Variants in MPRIP observed in about 807,000 individuals in gnomAD.
MPRIP encodes myosin phosphatase Rho interacting protein, also known as myosin phosphatase Rho-interacting protein.
MPRIP carries 59 observed loss-of-function variants against 234.9 expected under a neutral mutation model. The observed-to-expected ratio is 0.25, with a 90% CI of 0.20 to 0.31. The LOEUF (loss-of-function observed/expected upper bound fraction) is 0.31. Among genes scored for constraint, MPRIP ranks in the 10% least tolerant of loss-of-function variants. MPRIP has a pLI of 1.00. For synonymous variants in MPRIP, 1,144 were observed against 1,263.9 expected (o/e 0.91, Z 2.01); for missense variants, 2,436 against 3,071.0 (o/e 0.79, Z 4.89).
chr17:17,110,632 A>G (rs2031720488), intron 3 of MPRIP, among the ~76,000 whole-genome samples: 2 of 152,176 alleles, frequency 1.3e-5, no homozygotes, highest in Admixed American at 1.3e-4. Flanking sequence ...TAAGGTCATC[A>G]TCAACAGTGA....
intron 5 of MPRIP, among the ~76,000 whole-genome samples, chr17:17,135,104 G>A (rs2144450781): frequency 6.6e-6 from 1 of 152,370 alleles, no homozygotes; most frequent in East Asian, 1.9e-4. Flanking sequence ...AAGCCATCCT[G>A]TTGGCAGCCC....
At chr17:17,142,535 C>T in intron 7 of MPRIP, 92 bp from the exon 8 acceptor site, 6 of 1,484,428 alleles carry the variant, frequency 4.0e-6, no homozygotes, top group Non-Finnish European at 5.5e-6. Context: ...GGGAATCAGG[C>T]CCGGGCCAGG....
rs560690714 is a variant in MPRIP, at chr17:17,078,193, T to G, written c.267+117T>G. ...CCATGTGCTCCTGCTTGTGTCTGTT[T>G]GGGAGTGTGGAATGTTTTGAAGAAC... is the stretch of plus-strand genomic sequence containing the variant. On this transcript the variant is annotated intron_variant, in intron 3 of 23. Coordinates refer to ENST00000651222, the MANE Select transcript of MPRIP (RefSeq NM_001364716.4). The surrounding 1 kb of genome is among the most constrained non-coding windows in gnomAD (Gnocchi z 4.3). 21 of 1,089,834 alleles carry G rather than the reference T, an allele frequency of 1.9e-5. No individual in the cohort carries two copies. The highest frequency in any genetic ancestry group is 2.7e-5 in the Non-Finnish European group (20 of 728,836). 67.5% of individuals were successfully genotyped at this position (1,089,834 alleles called of 1,614,324 possible). A position where few individuals can be genotyped will look rare whatever the true frequency, so the allele number is the denominator to read the frequency against.
At chr17:17,172,352 C>T (rs984637786) in intron 17 of MPRIP, among the ~76,000 whole-genome samples, 2 of 152,300 alleles carry the variant, frequency 1.3e-5, no homozygotes, top group South Asian at 2.1e-4. Flanking sequence ...TAATTTAGTT[C>T]CAAGGAAGAA....
intron 23 of MPRIP, chr17:17,182,010 T>C (rs572642248): frequency 3.0e-4 from 46 of 152,354 alleles, no homozygotes; most frequent in Middle Eastern, 3.4e-3. Flanking sequence ...ATCCTTGGAG[T>C]GCAGGGCTAG....
At position 17,165,658 on chromosome 17, in the gene MPRIP, C is replaced by T. The variant is rs1597492418; in HGVS notation, c.4067C>T (p.Pro1356Leu). The T allele has an allele frequency of 7.7e-7, 1 of 1,305,090 alleles. No individual in the cohort carries two copies. Among genetic ancestry groups the T allele is most frequent in the Non-Finnish European group, 1.0e-6 (1 of 989,060 alleles). The allele number at this position is 1,305,090 out of a possible 1,614,324, so 80.8% of individuals were successfully genotyped here. ...TSSDTSQDRS[P>L]SEESMSSEPA... ...TCCGACACCAGCCAGGACCGGTCAC[C>T]CTCGGAAGAAAGCATGTCCTCAGAG... is the stretch of plus-strand genomic sequence containing the variant. Residue 1356 changes from proline to leucine, a missense_variant, in exon 16 of 24, where the codon CCC (proline) becomes CTC (leucine). This residue lies in a region of MPRIP where 1,998 missense variants were observed against 2,520.3 expected (regional missense o/e 0.79). Transcript: ENST00000651222.
chr17:17,139,164 G>C (rs192497108), intron 7 of MPRIP, among the ~76,000 whole-genome samples: 46 of 152,368 alleles, frequency 3.0e-4, no homozygotes, highest in Admixed American at 1.5e-3. Flanking sequence ...CCCTGCCCTT[G>C]TTCTCCAGAG....
intron 5 of MPRIP, among the ~76,000 whole-genome samples, chr17:17,133,375 C>T (rs558883729): frequency 6.6e-5 from 10 of 152,186 alleles, no homozygotes; most frequent in East Asian, 5.8e-4. Context: ...TGTGGGGTGA[C>T]GTGGGGGCAC....
At chr17:17,162,916 G>A (rs928420730) in intron 15 of MPRIP, among the ~76,000 whole-genome samples, 4 of 152,150 alleles carry the variant, frequency 2.6e-5, no homozygotes, top group Non-Finnish European at 4.4e-5. Context: ...ACTAAGCAGC[G>A]GACTTTGCAC....
intron 1 of MPRIP, among the ~76,000 whole-genome samples, chr17:17,066,655 G>A (rs2089033066): frequency 1.4e-5 from 2 of 143,208 alleles, no homozygotes; most frequent in East Asian, 2.2e-4. Context: ...GCTTTCAGTT[G>A]GAACTCATTT....
At chr17:17,056,278 G>A (rs539029706) in intron 1 of MPRIP, among the ~76,000 whole-genome samples, 4 of 152,306 alleles carry the variant, frequency 2.6e-5, no homozygotes, top group Middle Eastern at 3.4e-3. Flanking sequence ...TCTTCCCTGC[G>A]AAGACGTTGC....
At chr17:17,161,888 C>T (rs552901386) in intron 15 of MPRIP, among the ~76,000 whole-genome samples, 13 of 152,310 alleles carry the variant, frequency 8.5e-5, no homozygotes, top group African/African-American at 2.2e-4. Context: ...AGCCCAACCC[C>T]GGGATACCTC....
At chr17:17,145,915 G>A in intron 9 of MPRIP, 121 bp from the exon 10 acceptor site, 2 of 941,148 alleles carry the variant, frequency 2.1e-6, no homozygotes, top group Non-Finnish European at 3.3e-6. Flanking sequence ...AGGCTTGTCT[G>A]GCAGGTGGAG....
chr17:17,158,395 G>T (rs769269205), intron 13 of MPRIP, 37 bp from the exon 14 acceptor site: 12 of 1,511,770 alleles, frequency 7.9e-6, no homozygotes, highest in Non-Finnish European at 1.1e-5. Flanking sequence ...CACCAGAGCC[G>T]CCCCTGACAG....
At chr17:17,123,719 A>G (rs1348977991) in intron 3 of MPRIP, among the ~76,000 whole-genome samples, 4 of 151,538 alleles carry the variant, frequency 2.6e-5, no homozygotes, top group Middle Eastern at 3.2e-3. Context: ...AAAAAAAAAA[A>G]AAAAAGAAAG....
At chr17:17,094,612 C>T (rs1033708216) in intron 3 of MPRIP, among the ~76,000 whole-genome samples, 2 of 148,536 alleles carry the variant, frequency 1.3e-5, no homozygotes, top group East Asian at 1.9e-4. Flanking sequence ...CCTCTCCTCT[C>T]TTCACTGTCT....
intron 6 of MPRIP, among the ~76,000 whole-genome samples, chr17:17,137,288 TG>T (rs1442196144): frequency 6.6e-6 from 1 of 152,016 alleles, no homozygotes; most frequent in Non-Finnish European, 1.5e-5. Context: ...CTGAGGCAGG[TG>T]GAACACCTGA....
intron 1 of MPRIP, among the ~76,000 whole-genome samples, chr17:17,074,359 G>A (rs1245472755): frequency 6.6e-6 from 1 of 152,238 alleles, no homozygotes; most frequent in African/African-American, 2.4e-5. Flanking sequence ...CCCTTGTTGA[G>A]CTCCTCCCGT....
At position 17,167,630 on chromosome 17, in the gene MPRIP, C is replaced by T. The variant is rs1316802979; in HGVS notation, c.6039C>T (p.His2013=). The change falls in exon 16 of 24, where the codon CAC becomes CAT. Residue 2013 remains histidine (H), a synonymous_variant. Transcript: ENST00000651222. This position sits in a 1 kb window ranked among gnomAD's most constrained non-coding sequence, Gnocchi z 5.9. ...QLKVRELQTI[H]EEELRTLQEH... ...AGGTCCGGGAGCTGCAGACGATCCA[C>T]GAGGAGGAGCTGAGGACCCTGCAGG... 7 of 1,304,126 alleles carry T rather than the reference C, an allele frequency of 5.4e-6. No homozygotes were observed. The highest frequency in any genetic ancestry group is 5.5e-5 in the East Asian group (1 of 18,034). The allele number at this position is 1,304,126 out of a possible 1,614,324, so 80.8% of individuals were successfully genotyped here.
Sources: gnomAD v4.1 joint callset for allele counts (sites outside exome capture counted in the v4.1 genomes callset) on GRCh38, gnomAD v4.1.1 for gene constraint, gnomAD v4.1.1 regional missense constraint, Gnocchi (gnomAD v3.1) non-coding constraint, MANE v1.5 for transcripts, NCBI Gene and HGNC (gene_info 2026-07-23, HGNC 2026-07-21) for gene names.